GIGYF2: variants seen among roughly 807,000 people sequenced by gnomAD.
The protein encoded by GIGYF2 is GRB10-interacting GYF protein 2.
GIGYF2 carries 25 observed loss-of-function variants against 208.1 expected under a neutral mutation model. The observed-to-expected ratio is 0.12, with a 90% confidence interval of 0.09 to 0.17. GIGYF2 has a LOEUF of 0.17. GIGYF2 is among the 10% of genes least tolerant of loss of function. The probability of loss-of-function intolerance (pLI) is 1.00; values close to 1 mark genes in which losing one functional copy is unlikely to be tolerated. For missense variants in GIGYF2, 1,302 were observed against 1,579.4 expected, an observed-to-expected ratio of 0.82 and a Z score of 2.98; for synonymous variants, 534 against 543.8, an observed-to-expected ratio of 0.98 and a Z score of 0.25.
rs1208514536 is a variant in GIGYF2, at chr2:232,790,897, A to G, written c.912A>G (p.Gly304=). The change falls in exon 10 of 29, where the codon GGA becomes GGG. Residue 304 remains glycine, a synonymous_variant. Transcript: ENST00000373563. ...AAATGGGTACATTTGACTCATCTGG[A>G]GCATTCCTTTCTCTAAAAGTAAGAA... ...EEEMGTFDSS[G]AFLSLKKVQK... is the part of the protein sequence containing the mutation. The G allele has an allele frequency of 6.2e-7, 1 of 1,614,040 alleles. No homozygotes were observed. The highest frequency in any genetic ancestry group is 8.5e-7 in the Non-Finnish European group (1 of 1,179,886).
rs780850762 is a variant in GIGYF2 at position 232,787,235 on chromosome 2, C to A, written c.618C>A (p.Ile206=). 1 of 1,613,920 alleles carries A rather than the reference C, an allele frequency of 6.2e-7. No homozygotes were observed. The highest frequency in any genetic ancestry group is 1.1e-5 in the South Asian group (1 of 91,074). The change falls in exon 9 of 29, where the codon ATC becomes ATA. Residue 206 remains isoleucine, a synonymous_variant. Coordinates refer to ENST00000373563, the MANE Select transcript of GIGYF2 (RefSeq NM_001103146.3). ...GCTCAGAAAGTGAAAATTGGCGCAT[C>A]TTTAGAGAGGAACAAAATGGAGAAG... ...FIRSESENWR[I]FREEQNGEDE...
At chr2:232,836,318 AT>A (rs1559160657) in intron 22 of GIGYF2, among the ~76,000 whole-genome samples, 1,299 of 36,914 alleles carry the variant, frequency 0.035, 268 homozygotes, top group Non-Finnish European at 0.044. Flanking sequence ...ATATATATAT[AT>A]ATATATATAT....
At chr2:232,829,100 CAG>C (rs1657744223) in intron 21 of GIGYF2, among the ~76,000 whole-genome samples, 1 of 152,112 alleles carries the variant, frequency 6.6e-6, no homozygotes, top group Non-Finnish European at 1.5e-5. Flanking sequence ...CTTAAGAAAA[CAG>C]ATGCTAAAAT....
chr2:232,714,112 G>A (rs1696561844), intron 2 of GIGYF2, among the ~76,000 whole-genome samples: 1 of 151,962 alleles, frequency 6.6e-6, no homozygotes, highest in Admixed American at 6.6e-5. Flanking sequence ...ACCATGCATG[G>A]CTAATTTTTT....
intron 2 of GIGYF2, among the ~76,000 whole-genome samples, chr2:232,720,580 TA>T (rs1696888398): frequency 3.8e-5 from 5 of 132,426 alleles, no homozygotes; most frequent in South Asian, 3.5e-4. Context: ...TATATATATA[TA>T]TATTTTTGTT....
At chr2:232,783,373 T>C (rs1559428520) in intron 8 of GIGYF2, among the ~76,000 whole-genome samples, 1 of 152,154 alleles carries the variant, frequency 6.6e-6, no homozygotes, top group Non-Finnish European at 1.5e-5. Context: ...ATTTTTCTTA[T>C]TTTGTTTATT....
chr2:232,795,350 A>G (rs1700192319), intron 13 of GIGYF2, among the ~76,000 whole-genome samples: 1 of 152,172 alleles, frequency 6.6e-6, no homozygotes, highest in Admixed American at 6.5e-5. Context: ...AATTTCCCCA[A>G]GATTGTGTGT....
chr2:232,713,125 G>A (rs71421656), intron 2 of GIGYF2, among the ~76,000 whole-genome samples: 1 of 151,076 alleles, frequency 6.6e-6, no homozygotes. Flanking sequence ...TCACAGGCTG[G>A]AGTGCAGTGG....
rs536122028 is a variant in GIGYF2, at chr2:232,724,852, C to T, written c.-43-10303C>T. Among the ~76,000 whole-genome samples the T allele has an allele frequency of 2.6e-5, 4 of 152,252 alleles. No homozygotes were observed. In the South Asian group the frequency reaches 8.3e-4, roughly 32 times the overall value. On this transcript the variant is annotated intron_variant, in intron 2 of 28. Transcript: ENST00000373563. ...ACAGGCGTGAGCCACGGCACCTGGCCTAATATTTGAAACTTTCAAATACTT... is the reference window on the plus strand; with the variant it reads ...ACAGGCGTGAGCCACGGCACCTGGCTTAATATTTGAAACTTTCAAATACTT...
intron 9 of GIGYF2, chr2:232,788,231 G>T (rs547828713): frequency 6.4e-6 from 1 of 155,318 alleles, no homozygotes; most frequent in Admixed American, 6.4e-5. Flanking sequence ...CTTAGATCTG[G>T]GTAGACATTA....
intron 8 of GIGYF2, among the ~76,000 whole-genome samples, chr2:232,779,119 A>G (rs1699625079): frequency 6.6e-6 from 1 of 152,132 alleles, no homozygotes; most frequent in Non-Finnish European, 1.5e-5. Flanking sequence ...ATGATATGCC[A>G]CCTTCACCCA....
intron 8 of GIGYF2, among the ~76,000 whole-genome samples, chr2:232,779,624 C>G (rs1022034060): frequency 2.0e-5 from 3 of 152,182 alleles, no homozygotes; most frequent in Non-Finnish European, 2.9e-5. Context: ...TTCAGGCAGC[C>G]TCTGGGTATG....
chr2:232,784,621 C>G (rs1217160496), intron 8 of GIGYF2, among the ~76,000 whole-genome samples: 1 of 151,398 alleles, frequency 6.6e-6, no homozygotes, highest in Non-Finnish European at 1.5e-5. Context: ...TCGTGATCTG[C>G]CCGCCTTAGC....
At chr2:232,712,500 A>G (rs999014158) in intron 2 of GIGYF2, among the ~76,000 whole-genome samples, 2 of 152,216 alleles carry the variant, frequency 1.3e-5, no homozygotes. Context: ...TGAAGAATAT[A>G]GTGACTGCTG....
At chr2:232,794,150 T>A (rs1445705703) in intron 12 of GIGYF2, among the ~76,000 whole-genome samples, 1 of 152,190 alleles carries the variant, frequency 6.6e-6, no homozygotes, top group Non-Finnish European at 1.5e-5. Context: ...CCCTTTTCCT[T>A]CTTAAGAACC....
At chr2:232,752,388 G>A (rs910406245) in intron 5 of GIGYF2, among the ~76,000 whole-genome samples, 8 of 152,126 alleles carry the variant, frequency 5.3e-5, no homozygotes, top group Non-Finnish European at 1.2e-4. Flanking sequence ...CCTGAAATAC[G>A]TATTTTTAAA....
chr2:232,855,993 C>G (rs1046137729), intron 28 of GIGYF2, among the ~76,000 whole-genome samples: 2 of 151,922 alleles, frequency 1.3e-5, no homozygotes, highest in African/African-American at 4.8e-5. Flanking sequence ...TGCAGTGGCG[C>G]GATCTCGGCT....
rs747371446 is a variant in GIGYF2, at chr2:232,833,069, G to GCAA, written c.2748_2750dup (p.Gln917dup). 1.9e-6 allele frequency: 3 copies of GCAA among 1,549,386 alleles called. No individual in the cohort carries two copies. Among genetic ancestry groups the GCAA allele is most frequent in the Non-Finnish European group, 1.7e-6 (2 of 1,144,588 alleles). The stretch of plus-strand genomic sequence containing the variant: ...TCCGGAGGTTGCAGCAGCAGCAGCA[G>GCAA]CAACAACAGCTGGCGCAGATGAAGG... On this transcript the variant is annotated inframe_insertion, in exon 22 of 29. Coordinates refer to ENST00000373563, the MANE Select transcript of GIGYF2 (RefSeq NM_001103146.3).
chr2:232,801,068 A>G (rs1172408974), intron 14 of GIGYF2, among the ~76,000 whole-genome samples: 2 of 152,140 alleles, frequency 1.3e-5, no homozygotes, highest in African/African-American at 4.8e-5. Flanking sequence ...ATCTTTAAAA[A>G]GAAAAAAAAG....
Sources: allele counts gnomAD v4.1 joint callset (sites outside exome capture counted in the v4.1 genomes callset), GRCh38; gene constraint gnomAD v4.1.1; transcripts MANE v1.5; gene names NCBI Gene and HGNC (gene_info 2026-07-23, HGNC 2026-07-21).